RPA2: variants seen among roughly 807,000 people sequenced by gnomAD.
RPA2 encodes the protein replication protein A2, also known as replication protein A 32 kDa subunit.
RPA2 carries 22 observed loss-of-function variants against 33.4 expected under a neutral mutation model. That is an observed-to-expected ratio of 0.66 (90% CI 0.47 to 0.94). The LOEUF is 0.94. RPA2 is among the 40% of genes least tolerant of loss of function. The probability of loss-of-function intolerance (pLI) is 0.00; values close to 1 mark genes in which losing one functional copy is unlikely to be tolerated. For missense variants in RPA2, 279 were observed against 329.9 expected (o/e 0.85, Z 1.19); for synonymous variants, 109 against 114.9 (o/e 0.95, Z 0.33).
At chr1:27,902,429 G>A (rs921544381) in intron 4 of RPA2, among the ~76,000 whole-genome samples, 5 of 151,626 alleles carry the variant, frequency 3.3e-5, no homozygotes, top group African/African-American at 7.3e-5. Flanking sequence ...GACTACAGGC[G>A]TGCACCACCA....
rs2148651433 is a variant in RPA2, at chr1:27,894,546, A to G, written c.526-149T>C. 8.3e-6 allele frequency: 5 copies of G among 604,548 alleles called. No homozygotes were observed. In the South Asian group the frequency reaches 1.1e-4, roughly 13 times the overall value. 37.4% of individuals were successfully genotyped at this position (604,548 alleles called of 1,614,324 possible). ...ACTGCTTACATTGGAGTGGACAGCT[A>G]TTATCTAATGAGTATTTCACAGGAA... On this transcript the variant is annotated intron_variant, in intron 6 of 8. Coordinates refer to ENST00000373912, the MANE Select transcript of RPA2 (RefSeq NM_002946.5).
At chr1:27,894,619 C>G (rs6691656) in intron 6 of RPA2, among the ~76,000 whole-genome samples, 66,504 of 151,964 alleles carry the variant, frequency 0.44, 15,182 homozygotes, top group African/African-American at 0.58. Context: ...GAGAAAGATA[C>G]TCTTGGCTCC....
At chr1:27,907,853 AT>A (rs1160507954) in intron 2 of RPA2, among the ~76,000 whole-genome samples, 3 of 151,754 alleles carry the variant, frequency 2.0e-5, no homozygotes, top group Non-Finnish European at 4.4e-5. Context: ...ATCTTTTTAA[AT>A]TTTTTTTCTT....
At chr1:27,902,391 CT>C (rs1220108235) in intron 4 of RPA2, among the ~76,000 whole-genome samples, 7 of 151,280 alleles carry the variant, frequency 4.6e-5, no homozygotes, top group African/African-American at 9.7e-5. Context: ...TCAAGCGAGT[CT>C]TGTGCCTCAG....
chr1:27,914,787 C>G, upstream of RPA2: 1 of 1,044,348 alleles, frequency 9.6e-7, no homozygotes, highest in Non-Finnish European at 1.4e-6. Context: ...AAGAAATCAA[C>G]CAATCAGAAC....
chr1:27,898,614 C>T (rs1436317724), intron 4 of RPA2, among the ~76,000 whole-genome samples: 3 of 149,914 alleles, frequency 2.0e-5, no homozygotes, highest in Non-Finnish European at 3.0e-5. Context: ...GGCATGATCT[C>T]GGCTCATTGC....
At position 27,914,535 on chromosome 1, in the gene RPA2, T is replaced by C; in HGVS notation, c.-92A>G. 5 of 1,609,168 alleles carry C rather than the reference T, an allele frequency of 3.1e-6. No homozygotes were observed. In the South Asian group the frequency reaches 3.3e-5, roughly 11 times the overall value. On this transcript the variant is annotated 5_prime_UTR_variant, in exon 1 of 9. Coordinates refer to ENST00000373912, the MANE Select transcript of RPA2 (RefSeq NM_002946.5). ...GAACGCGGCCGCCACTGCGCCGCTC[T>C]GGCTACTTTTCTCTGGCACCACAAA...
At chr1:27,913,913 G>A (rs889336521) in intron 2 of RPA2, 150 bp downstream of exon 2, 3 of 780,336 alleles carry the variant, frequency 3.8e-6, no homozygotes, top group African/African-American at 1.8e-5. Flanking sequence ...GAAACTTACA[G>A]CACTTAATTA....
intron 4 of RPA2, among the ~76,000 whole-genome samples, chr1:27,905,363 G>A (rs28988928): frequency 1.3e-4 from 20 of 152,150 alleles, no homozygotes; most frequent in Non-Finnish European, 2.9e-4. Flanking sequence ...GCATGATCTC[G>A]GCTCACTGCA....
intron 4 of RPA2, among the ~76,000 whole-genome samples, chr1:27,898,381 T>C (rs2089918633): frequency 6.6e-6 from 1 of 152,150 alleles, no homozygotes; most frequent in South Asian, 2.1e-4. Context: ...ATTTACTGCC[T>C]GGAAAAACAA....
chr1:27,907,278 GCT>G lies in RPA2; in HGVS notation c.120_121del (p.Arg40SerfsTer21), dbSNP rs1259195674. 15 of 1,597,308 alleles carry G rather than the reference GCT, an allele frequency of 9.4e-6. No individual in the cohort carries two copies. Among genetic ancestry groups the G allele is most frequent in the Non-Finnish European group, 1.0e-5 (12 of 1,174,476 alleles). On this transcript the variant is annotated frameshift_variant and splice_region_variant, in exon 3 of 9. Coordinates refer to ENST00000373912, the MANE Select transcript of RPA2 (RefSeq NM_002946.5). LOFTEE classifies it high-confidence loss of function. The stretch of plus-strand genomic sequence containing the variant: ...ACAGGGCACAATGTGCTGGGCTCGG[GCT>G]CTCTGAAAAGAAAAAACATGCAAAA...
At chr1:27,895,487 G>A (rs774455228) in intron 6 of RPA2, among the ~76,000 whole-genome samples, 1 of 151,820 alleles carries the variant, frequency 6.6e-6, no homozygotes, top group Non-Finnish European at 1.5e-5. Flanking sequence ...AGGCTGAGAC[G>A]GGCAGATCAC....
rs758018368 is a variant in RPA2, at chr1:27,914,420, ACCC to A, written c.10+11_10+13del. The A allele has an allele frequency of 4.4e-6, 7 of 1,605,338 alleles. No homozygotes were observed. Among genetic ancestry groups the A allele is most frequent in the Non-Finnish European group, 4.3e-6 (5 of 1,176,112 alleles). ...CGATTCTCTTCCTCCTCCACCCCGC[ACCC>A]CCATCATTACTGTTCCACATCTTGG... On this transcript the variant is annotated intron_variant, in intron 1 of 8. Transcript: ENST00000373912.
At chr1:27,902,279 A>G in intron 4 of RPA2, among the ~76,000 whole-genome samples, 1 of 139,132 alleles carries the variant, frequency 7.2e-6, no homozygotes, top group East Asian at 2.2e-4. Flanking sequence ...TATTATTTTT[A>G]CGTATACTTT....
At chr1:27,895,509 A>G (rs1339388005) in intron 6 of RPA2, among the ~76,000 whole-genome samples, 1 of 152,000 alleles carries the variant, frequency 6.6e-6, no homozygotes, top group African/African-American at 2.4e-5. Flanking sequence ...AGGTCAGGAG[A>G]TCGAGATCAT....
At chr1:27,913,274 C>T (rs902065166) in intron 2 of RPA2, among the ~76,000 whole-genome samples, 2 of 151,180 alleles carry the variant, frequency 1.3e-5, no homozygotes, top group African/African-American at 4.9e-5. Context: ...CTCCTGATGT[C>T]GCCTCATCCC....
At position 27,907,035 on chromosome 1, in the gene RPA2, T is replaced by C. The variant is rs146039555; in HGVS notation, c.226A>G (p.Ile76Val). Residue 76 changes from isoleucine to valine, a missense_variant, in exon 4 of 9, where the codon ATT (isoleucine) becomes GTT (valine). This residue lies in a region of RPA2 where 274 missense variants were observed against 310.3 expected (regional missense o/e 0.88). Transcript: ENST00000373912. ...TCTGCATGTCTGATGATCCCCACAA[T>C]AGTGACCTAGGTTAGAAGAAACAAA... ...IGNVEISQVT[I>V]VGIIRHAEKA... The C allele has an allele frequency of 5.3e-4, 854 of 1,607,674 alleles. 8 individuals are homozygous for C. The African/African-American group carries it at 1.0e-2, about 19-fold the overall frequency.
chr1:27,905,175 A>G (rs557770697), intron 4 of RPA2, among the ~76,000 whole-genome samples: 69 of 152,310 alleles, frequency 4.5e-4, no homozygotes, highest in Middle Eastern at 3.4e-3. Context: ...TTTCTCAACA[A>G]TTTATGGCAA....
chr1:27,902,963 T>G (rs1337384820), intron 4 of RPA2, among the ~76,000 whole-genome samples: 1 of 152,150 alleles, frequency 6.6e-6, no homozygotes, highest in Non-Finnish European at 1.5e-5. Context: ...GGAGTTTTGC[T>G]CTTGTTGCCC....
Sources: allele counts gnomAD v4.1 joint callset (sites outside exome capture counted in the v4.1 genomes callset), GRCh38; gene constraint gnomAD v4.1.1; regional missense constraint gnomAD v4.1.1; transcripts MANE v1.5; gene names NCBI Gene and HGNC (gene_info 2026-07-23, HGNC 2026-07-21).